Variants in LHFPL4 observed in about 807,000 individuals in gnomAD.
The protein encoded by LHFPL4 is LHFPL tetraspan subfamily member 4.
A neutral mutation model predicts 20.0 loss-of-function variants in LHFPL4; 6 were observed. The observed-to-expected ratio is 0.30, with a 90% CI of 0.16 to 0.59. The LOEUF is 0.59. LHFPL4 is among the 20% of genes least tolerant of loss of function. The probability of loss-of-function intolerance (pLI) is 0.88; values close to 1 mark genes in which losing one functional copy is unlikely to be tolerated. For synonymous variants in LHFPL4, 129 were observed against 143.8 expected, an observed-to-expected ratio of 0.90 and a Z score of 0.74; for missense variants, 215 against 331.2, an observed-to-expected ratio of 0.65 and a Z score of 2.72.
chr3:9,530,383 G>C (rs1402604047), intron 2 of LHFPL4, among the ~76,000 whole-genome samples: 3 of 152,126 alleles, frequency 2.0e-5, no homozygotes, highest in Admixed American at 2.0e-4. Flanking sequence ...CTATGGAAAT[G>C]GCTTATTTTA....
Position 9,499,918 on chromosome 3 carries a change from T to A in LHFPL4, c.*2293A>T, listed in dbSNP as rs2046158491. On this transcript the variant is annotated 3_prime_UTR_variant, in exon 4 of 4. Coordinates refer to ENST00000287585, the MANE Select transcript of LHFPL4 (RefSeq NM_198560.3). ...CTTGCCCCCAACCCACATCTCCATTTACCTCTTCCCCGCTCCCGAGTCCTT... is the reference window on the plus strand; with the variant it reads ...CTTGCCCCCAACCCACATCTCCATTAACCTCTTCCCCGCTCCCGAGTCCTT... The A allele has an allele frequency of 6.6e-6, 1 of 152,132 alleles. No individual in the cohort carries two copies. Among genetic ancestry groups the A allele is most frequent in the Non-Finnish European group, 1.5e-5 (1 of 68,312 alleles). 9.4% of individuals were successfully genotyped at this position (152,132 alleles called of 1,614,324 possible). A position where few individuals can be genotyped will look rare whatever the true frequency, so the allele number is the denominator to read the frequency against.
chr3:9,518,429 G>C (rs934915908), intron 2 of LHFPL4, among the ~76,000 whole-genome samples: 1 of 152,152 alleles, frequency 6.6e-6, no homozygotes, highest in African/African-American at 2.4e-5. Flanking sequence ...ATAAAAATGA[G>C]TTAGGAAGTT....
intron 2 of LHFPL4, among the ~76,000 whole-genome samples, chr3:9,547,775 G>A (rs1448208494): frequency 7.4e-6 from 1 of 135,508 alleles, no homozygotes; most frequent in Admixed American, 7.3e-5. Context: ...CAAGATCTCG[G>A]AGATTTTTGT....
At chr3:9,531,743 G>A (rs2046410079) in intron 2 of LHFPL4, among the ~76,000 whole-genome samples, 1 of 152,038 alleles carries the variant, frequency 6.6e-6, no homozygotes. Context: ...GGAGGCTGCA[G>A]TGAGCCAAGA....
At chr3:9,519,322 G>C (rs938945768) in intron 2 of LHFPL4, among the ~76,000 whole-genome samples, 1 of 151,670 alleles carries the variant, frequency 6.6e-6, no homozygotes, top group South Asian at 2.1e-4. Flanking sequence ...TGATCCACCC[G>C]CCTCAGCCTC....
intron 2 of LHFPL4, among the ~76,000 whole-genome samples, chr3:9,507,398 C>CTCA (rs2046226115): frequency 6.6e-6 from 1 of 152,188 alleles, no homozygotes; most frequent in African/African-American, 2.4e-5. Context: ...ATCTTTAAGC[C>CTCA]TCAGTTTCTT....
chr3:9,543,729 G>GTTTTTTT lies in LHFPL4; in HGVS notation c.406+8538_406+8544dup, dbSNP rs58872967. On this transcript the variant is annotated intron_variant, in intron 2 of 3. Coordinates refer to ENST00000287585, the MANE Select transcript of LHFPL4 (RefSeq NM_198560.3). ...GGTGATTTGTTTGTTTTTGGTTTTG[G>GTTTTTTT]TTTTTTTTTTTTTTTTTTTGAGTCA... Among the ~76,000 whole-genome samples, 14 of 119,650 alleles carry GTTTTTTT rather than the reference G, an allele frequency of 1.2e-4. 1 individual carries two copies. Among genetic ancestry groups the GTTTTTTT allele is most frequent in the African/African-American group, 2.2e-4 (7 of 31,638 alleles). The allele number at this position is 119,650 out of a possible 152,430, so 78.5% of individuals were successfully genotyped here.
At chr3:9,530,343 C>T (rs1162473371) in intron 2 of LHFPL4, among the ~76,000 whole-genome samples, 6 of 152,234 alleles carry the variant, frequency 3.9e-5, no homozygotes, top group Non-Finnish European at 7.3e-5. Context: ...TTCTACATCA[C>T]CACCTGCTGC....
At chr3:9,528,736 C>T (rs987996432) in intron 2 of LHFPL4, among the ~76,000 whole-genome samples, 3 of 151,706 alleles carry the variant, frequency 2.0e-5, no homozygotes, top group Non-Finnish European at 2.9e-5. Context: ...CTGCCTCTAC[C>T]TCCCAAGTAG....
chr3:9,522,365 G>T (rs536554035), intron 2 of LHFPL4, among the ~76,000 whole-genome samples: 1 of 152,084 alleles, frequency 6.6e-6, no homozygotes, highest in Non-Finnish European at 1.5e-5. Context: ...ATAAATAAGC[G>T]TGCGTGTGTG....
chr3:9,534,523 T>C (rs376125316), intron 2 of LHFPL4, among the ~76,000 whole-genome samples: 1 of 152,184 alleles, frequency 6.6e-6, no homozygotes, highest in African/African-American at 2.4e-5. Context: ...ACATAAAATA[T>C]TTTCAGACAT....
intron 2 of LHFPL4, among the ~76,000 whole-genome samples, chr3:9,511,155 T>C (rs1464507537): frequency 1.3e-5 from 2 of 151,696 alleles, no homozygotes; most frequent in African/African-American, 4.8e-5. Flanking sequence ...TTCGAGACCA[T>C]CTTGTCTAAC....
intron 2 of LHFPL4, among the ~76,000 whole-genome samples, chr3:9,540,291 G>A (rs1309800514): frequency 1.3e-5 from 2 of 152,168 alleles, no homozygotes; most frequent in Non-Finnish European, 2.9e-5. Flanking sequence ...AAGATGTATT[G>A]TTGAGTGAAA....
At chr3:9,518,538 G>C (rs77311247) in intron 2 of LHFPL4, among the ~76,000 whole-genome samples, 3,218 of 152,130 alleles carry the variant, frequency 0.021, 116 homozygotes, top group African/African-American at 0.074. Flanking sequence ...ATCAGGGCCT[G>C]GTGCTTTCTC....
chr3:9,532,037 T>C (rs2046412635), intron 2 of LHFPL4, among the ~76,000 whole-genome samples: 1 of 152,160 alleles, frequency 6.6e-6, no homozygotes, highest in South Asian at 2.1e-4. Flanking sequence ...TTAGTTGTTG[T>C]GGTTTTGAGA....
chr3:9,529,793 TGG>T, intron 2 of LHFPL4, among the ~76,000 whole-genome samples: 1 of 151,690 alleles, frequency 6.6e-6, no homozygotes, highest in Non-Finnish European at 1.5e-5. Context: ...CCACCACACC[TGG>T]CTAATTTTTG....
chr3:9,543,915 G>C (rs2542344), intron 2 of LHFPL4, among the ~76,000 whole-genome samples: 3 of 151,476 alleles, frequency 2.0e-5, no homozygotes, highest in African/African-American at 7.3e-5. Flanking sequence ...TAGAGATGGG[G>C]TTTCACCATG....
At chr3:9,539,145 G>T (rs528712785) in intron 2 of LHFPL4, among the ~76,000 whole-genome samples, 2 of 152,136 alleles carry the variant, frequency 1.3e-5, no homozygotes, top group African/African-American at 4.8e-5. Context: ...CTGATCCAGG[G>T]CACTCATAAT....
chr3:9,546,399 A>T (rs2648395), intron 2 of LHFPL4, among the ~76,000 whole-genome samples: 143,937 of 152,026 alleles, frequency 0.95, 68,198 homozygotes, highest in East Asian at 0.99. Flanking sequence ...AAACCCCTCT[A>T]CCTGCCTCCT....
Sources: allele counts gnomAD v4.1 joint callset (sites outside exome capture counted in the v4.1 genomes callset), GRCh38; gene constraint gnomAD v4.1.1; transcripts MANE v1.5; gene names NCBI Gene and HGNC (gene_info 2026-07-23, HGNC 2026-07-21).